The following TMEM236 variants were observed in gnomAD, a reference collection of about 807,000 sequenced individuals.
TMEM236 encodes the protein family with sequence similarity 23, member A.
TMEM236 carries 11 observed loss-of-function variants against 14.7 expected under a neutral mutation model. That is an observed-to-expected ratio of 0.75 (90% CI 0.47 to 1.24). The LOEUF (loss-of-function observed/expected upper bound fraction) is 1.24. Among genes scored for constraint, TMEM236 ranks in the 50% most tolerant of loss-of-function variants. TMEM236 has a pLI of 0.00. For synonymous variants in TMEM236, 182 were observed against 168.6 expected (o/e 1.08, Z -0.62); for missense variants, 464 against 427.3 (o/e 1.09, Z -0.76).
intron 2 of TMEM236, among the ~76,000 whole-genome samples, chr10:17,774,798 T>TTCTCTCCCTCTCTCTCTCTCTCTC (rs1837632590): frequency 7.0e-6 from 1 of 142,060 alleles, no homozygotes; most frequent in Non-Finnish European, 1.5e-5. Context: ...CCTACCTCCT[T>TTCTCTCCCTCTCTCTCTCTCTCTC]TCTCTCTCTC....
intron 1 of TMEM236, among the ~76,000 whole-genome samples, chr10:17,764,028 C>T (rs1274336494): frequency 3.3e-5 from 5 of 151,928 alleles, no homozygotes; most frequent in South Asian, 2.1e-4. Flanking sequence ...ATTGAGTTGT[C>T]GTAAAGAGCT....
chr10:17,794,920 C>T (rs537152534), intron 3 of TMEM236, among the ~76,000 whole-genome samples: 18 of 152,060 alleles, frequency 1.2e-4, no homozygotes, highest in African/African-American at 2.4e-4. Flanking sequence ...CCCAGCTACT[C>T]GGGACGCTGA....
rs781904791 is a variant in TMEM236, at chr10:17,771,352, T to G, written c.301T>G (p.Cys101Gly). ...MMCVVLTTLP[C>G]LTFSIAVTEV... ...GTGTGTGGTCCTCACCACACTGCCC[T>G]GCCTCACCTTTTCCATAGCAGTGAC... Residue 101 changes from cysteine (C) to glycine (G), a missense_variant, in exon 2 of 4, where the codon TGC becomes GGC. By Grantham distance (159) the Cys-to-Gly change is radical. Transcript: ENST00000377495. The G allele has an allele frequency of 1.2e-6, 2 of 1,613,984 alleles. No individual in the cohort carries two copies. Among genetic ancestry groups the G allele is most frequent in the South Asian group, 1.1e-5 (1 of 91,076 alleles).
intron 3 of TMEM236, among the ~76,000 whole-genome samples, chr10:17,780,222 G>A (rs1180533480): frequency 6.6e-6 from 1 of 152,160 alleles, no homozygotes; most frequent in African/African-American, 2.4e-5. Flanking sequence ...TTTCTCCATG[G>A]GGGTCTCATA....
chr10:17,790,630 C>G (rs909162261), intron 3 of TMEM236, among the ~76,000 whole-genome samples: 4,932 of 152,144 alleles, frequency 0.032, 213 homozygotes, highest in East Asian at 0.21. Flanking sequence ...TCCCTTTGTC[C>G]TCTGAAATTA....
rs1441793326 is a variant in TMEM236, at chr10:17,784,902, GT to G, written c.472+8734del. On this transcript the variant is annotated intron_variant, in intron 3 of 3. Transcript: ENST00000377495. The stretch of plus-strand genomic sequence containing the variant: ...ATAGGGAGACAGATGGATGAGTAAT[GT>G]TGAGTGTGCAGCAGAAATTGGAACC... Among the ~76,000 whole-genome samples the G allele has an allele frequency of 1.8e-3, 269 of 152,262 alleles. 1 individual carries two copies. The highest frequency in any genetic ancestry group is 6.3e-3 in the African/African-American group (260 of 41,550).
intron 1 of TMEM236, among the ~76,000 whole-genome samples, chr10:17,760,274 T>C (rs1342883363): frequency 6.6e-6 from 1 of 152,204 alleles, no homozygotes; most frequent in African/African-American, 2.4e-5. Context: ...TTCTCATAGA[T>C]TTATTGACTA....
At chr10:17,769,498 TATAG>T (rs1367469090) in intron 1 of TMEM236, among the ~76,000 whole-genome samples, 1 of 152,148 alleles carries the variant, frequency 6.6e-6, no homozygotes, top group African/African-American at 2.4e-5. Flanking sequence ...AGGAAGATAA[TATAG>T]ATAAAGAACA....
intron 3 of TMEM236, among the ~76,000 whole-genome samples, chr10:17,779,250 C>G (rs1191797830): frequency 6.6e-6 from 1 of 152,086 alleles, no homozygotes; most frequent in African/African-American, 2.4e-5. Flanking sequence ...AGGTTGCCAG[C>G]TCTCACTCCA....
At chr10:17,778,374 A>C (rs1837692843) in intron 3 of TMEM236, among the ~76,000 whole-genome samples, 1 of 152,250 alleles carries the variant, frequency 6.6e-6, no homozygotes, top group Non-Finnish European at 1.5e-5. Flanking sequence ...ACTCATTTTA[A>C]CATGAAATTA....
chr10:17,788,588 AAAAAAAAAAAAG>A (rs1418808332), intron 3 of TMEM236, among the ~76,000 whole-genome samples: 22 of 145,490 alleles, frequency 1.5e-4, no homozygotes, highest in African/African-American at 5.0e-4. Flanking sequence ...CCATCTCTAC[AAAAAAAAAAAAG>A]AAAAAAAAAA....
intron 1 of TMEM236, among the ~76,000 whole-genome samples, chr10:17,767,023 G>A (rs1263219537): frequency 6.6e-6 from 1 of 152,056 alleles, no homozygotes; most frequent in African/African-American, 2.4e-5. Context: ...TATTGGATTA[G>A]GACCCACCTT....
At chr10:17,771,481 A>G in intron 2 of TMEM236, 100 bp downstream of exon 2, 2 of 1,105,742 alleles carry the variant, frequency 1.8e-6, no homozygotes, top group South Asian at 2.5e-5. Flanking sequence ...ATTTCTTGAC[A>G]TCTATGTAAT....
intron 1 of TMEM236, among the ~76,000 whole-genome samples, chr10:17,759,961 C>T (rs891713790): frequency 1.7e-5 from 2 of 114,346 alleles, no homozygotes; most frequent in Non-Finnish European, 3.2e-5. Context: ...CCGGCCTGGA[C>T]GAAAGAGCGA....
rs1837390653 is a variant in TMEM236 at position 17,762,629 on chromosome 10, A to G, written c.258-8680A>G. ...TATATATATATATATACACACATAC[A>G]TATATATATATATTTAGGTTTTATT... On this transcript the variant is annotated intron_variant, in intron 1 of 3. Coordinates refer to ENST00000377495, the MANE Select transcript of TMEM236 (RefSeq NM_001098844.3). 1.2e-4 allele frequency among the ~76,000 whole-genome samples: 9 copies of G among 76,234 alleles called. 1 individual carries two copies. Among genetic ancestry groups the G allele is most frequent in the African/African-American group, 7.4e-4 (8 of 10,868 alleles). The allele number at this position is 76,234 out of a possible 152,430, so 50.0% of individuals were successfully genotyped here. A position where few individuals can be genotyped will look rare whatever the true frequency, so the allele number is the denominator to read the frequency against.
At chr10:17,783,713 G>T (rs1276499342) in intron 3 of TMEM236, among the ~76,000 whole-genome samples, 3 of 152,150 alleles carry the variant, frequency 2.0e-5, no homozygotes, top group South Asian at 2.1e-4. Context: ...AAATAGCAAC[G>T]TAAAGAAATA....
At chr10:17,761,467 TG>T (rs1409174643) in intron 1 of TMEM236, among the ~76,000 whole-genome samples, 2 of 151,950 alleles carry the variant, frequency 1.3e-5, no homozygotes, top group African/African-American at 4.8e-5. Flanking sequence ...CCGAGGCGGA[TG>T]GATCACTTGA....
chr10:17,796,518 T>C lies in TMEM236; in HGVS notation c.*14T>C. ...TCTCCATTTTAAAAAGGAAATGGGA[T>C]CTAGTAAGGCCTCTTTGTGATACCT... is the stretch of plus-strand genomic sequence containing the variant. On this transcript the variant is annotated 3_prime_UTR_variant, in exon 4 of 4. Transcript: ENST00000377495. 1 of 1,587,854 alleles carries C rather than the reference T, an allele frequency of 6.3e-7. No homozygotes were observed. Among genetic ancestry groups the C allele is most frequent in the Middle Eastern group, 1.7e-4 (1 of 6,018 alleles).
chr10:17,755,667 T>C (rs1390740001), intron 1 of TMEM236, among the ~76,000 whole-genome samples: 1 of 152,106 alleles, frequency 6.6e-6, no homozygotes, highest in Non-Finnish European at 1.5e-5. Flanking sequence ...TAGGGGTGGC[T>C]TTGACTGTCC....
Sources: allele counts gnomAD v4.1 joint callset (sites outside exome capture counted in the v4.1 genomes callset), GRCh38; gene constraint gnomAD v4.1.1; transcripts MANE v1.5; gene names NCBI Gene and HGNC (gene_info 2026-07-23, HGNC 2026-07-21).